Variants in IP6K3 observed in about 807,000 individuals in gnomAD.
IP6K3 encodes inositol hexakisphosphate kinase 3, also known as ATP:1D-myo-inositol-hexakisphosphate phosphotransferase.
In IP6K3, 20 loss-of-function variants were observed where a neutral mutation model predicts 28.8. The ratio of observed to expected loss-of-function variants is 0.70; its 90% CI spans 0.49 to 1.01. IP6K3 has a LOEUF of 1.01. Among genes scored for constraint, IP6K3 ranks in the 50% least tolerant of loss-of-function variants. The pLI is 0.00. For missense variants in IP6K3, 480 were observed against 537.1 expected (o/e 0.89, Z 1.05); for synonymous variants, 213 against 221.3 (o/e 0.96, Z 0.33).
intron 4 of IP6K3, 111 bp downstream of exon 4, chr6:33,726,620 A>G (rs1190925292): frequency 4.6e-6 from 5 of 1,089,752 alleles, no homozygotes; most frequent in East Asian, 2.6e-5. Context: ...TCTCCCTGCT[A>G]CCCTCCATTG....
chr6:33,749,645 T>C (rs1280786749), upstream of IP6K3, among the ~76,000 whole-genome samples: 1 of 151,148 alleles, frequency 6.6e-6, no homozygotes, highest in Admixed American at 6.6e-5. Context: ...TGTGTGTGTG[T>C]GTGCGCGCGG....
chr6:33,755,851 T>A, the IP6K3 span, among the ~76,000 whole-genome samples: 2 of 152,226 alleles, frequency 1.3e-5, no homozygotes, highest in Non-Finnish European at 2.9e-5. Flanking sequence ...AAATTTTTTT[T>A]ATTTTTATTA....
intron 1 of IP6K3, among the ~76,000 whole-genome samples, chr6:33,740,517 T>G (rs1263555975): frequency 1.3e-5 from 2 of 152,156 alleles, no homozygotes; most frequent in Non-Finnish European, 2.9e-5. Context: ...TGCTAGCCTG[T>G]GAGACACTCC....
At chr6:33,751,351 G>A (rs1328139367), upstream of IP6K3, among the ~76,000 whole-genome samples, 2 of 152,270 alleles carry the variant, frequency 1.3e-5, no homozygotes, top group African/African-American at 4.8e-5. This position sits in a 1 kb window ranked among gnomAD's most constrained non-coding sequence, Gnocchi z 4.3. Context: ...GAATGTGGGA[G>A]GATGAGCTGT....
At chr6:33,723,733 G>T (rs1392730229) in intron 5 of IP6K3, among the ~76,000 whole-genome samples, 1 of 152,240 alleles carries the variant, frequency 6.6e-6, no homozygotes, top group African/African-American at 2.4e-5. Context: ...AGACAGGCTA[G>T]GTCAGGTGTG....
At chr6:33,747,640 G>GCAGAGGCC (rs16871395), upstream of IP6K3, among the ~76,000 whole-genome samples, 45 of 121,946 alleles carry the variant, frequency 3.7e-4, no homozygotes, top group East Asian at 5.9e-3. This position sits in a 1 kb window ranked among gnomAD's most constrained non-coding sequence, Gnocchi z 5.2. Flanking sequence ...GAGAGGCTGT[G>GCAGAGGCC]CAGAGGCCCA....
intron 2 of IP6K3, among the ~76,000 whole-genome samples, chr6:33,733,692 C>T (rs371229743): frequency 7.0e-4 from 106 of 152,352 alleles, no homozygotes; most frequent in African/African-American, 2.3e-3. Context: ...GCCTGCGGGC[C>T]GGGAAGACCC....
intron 1 of IP6K3, among the ~76,000 whole-genome samples, chr6:33,736,566 G>A (rs763447707): frequency 8.5e-5 from 13 of 152,182 alleles, no homozygotes; most frequent in South Asian, 6.2e-4. Flanking sequence ...CACCACATCC[G>A]GCTAATTTTT....
chr6:33,751,754 C>G (rs1343309948), upstream of IP6K3, among the ~76,000 whole-genome samples: 2 of 152,180 alleles, frequency 1.3e-5, no homozygotes, highest in Non-Finnish European at 2.9e-5. This position sits in a 1 kb window ranked among gnomAD's most constrained non-coding sequence, Gnocchi z 4.3. Context: ...ACTCCTAACA[C>G]GGATTCATTT....
intron 2 of IP6K3, among the ~76,000 whole-genome samples, chr6:33,729,276 G>A (rs1766234525): frequency 2.0e-5 from 3 of 152,250 alleles, no homozygotes; most frequent in African/African-American, 4.8e-5. Context: ...CAGAGTCTTG[G>A]TAGTAGCACA....
chr6:33,721,736 A>G lies in IP6K3; in HGVS notation c.*984T>C, dbSNP rs1005068107. 6.6e-6 allele frequency: 1 copy of G among 152,628 alleles called. No individual in the cohort carries two copies. The highest frequency in any genetic ancestry group is 6.5e-5 in the Admixed American group (1 of 15,284). 9.5% of individuals were successfully genotyped at this position (152,628 alleles called of 1,614,324 possible). On this transcript the variant is annotated 3_prime_UTR_variant, in exon 6 of 6. Transcript: ENST00000293756. ...GTAACGTATCTCAGTGCTTGACTCA[A>G]GGGCATCGTAATAGGTTTCCATACT...
chr6:33,755,570 T>C, the IP6K3 span, among the ~76,000 whole-genome samples: 1 of 152,278 alleles, frequency 6.6e-6, no homozygotes, highest in Non-Finnish European at 1.5e-5. Flanking sequence ...AATCCCGTGC[T>C]ACTCACATTT....
Position 33,722,740 on chromosome 6 carries a change from C to G in IP6K3, c.1213G>C (p.Asp405His), listed in dbSNP as rs774691224. 6.2e-7 allele frequency: 1 copy of G among 1,609,190 alleles called. No individual in the cohort carries two copies. Among genetic ancestry groups the G allele is most frequent in the South Asian group, 1.1e-5 (1 of 90,552 alleles). ...AAGTTTCATTCTCCCTCTTGGATAT[C>G]CTGCAGGATCCTGATGAGGTTTTCC... ...GLENLIRILQ[D>H]IQEGE The change falls in exon 6 of 6, where the codon GAT becomes CAT. Residue 405 changes from aspartate to histidine, a missense_variant. By Grantham distance (81) the Asp-to-His change is moderately conservative. Transcript: ENST00000293756.
rs1766495600 is a variant in IP6K3, at chr6:33,735,575, G to T, written c.-99C>A. 3 of 1,518,172 alleles carry T rather than the reference G, an allele frequency of 2.0e-6. No individual in the cohort carries two copies. The highest frequency in any genetic ancestry group is 2.6e-6 in the Non-Finnish European group (3 of 1,140,440). The allele number at this position is 1,518,172 out of a possible 1,614,324, so 94.0% of individuals were successfully genotyped here. On this transcript the variant is annotated 5_prime_UTR_variant, in exon 2 of 6. Transcript: ENST00000293756. ...CCAACAGCACACGGGGCTGTCAGCG[G>T]TCCTCAACTTTCTCCTTCTTGGCCT... is the stretch of plus-strand genomic sequence containing the variant.
rs1368625489 is a variant in IP6K3, at chr6:33,744,411, G to A, written c.-180+2347C>T. Among the ~76,000 whole-genome samples the A allele has an allele frequency of 2.0e-5, 3 of 152,208 alleles. No individual in the cohort carries two copies. Among genetic ancestry groups the A allele is most frequent in the African/African-American group, 7.2e-5 (3 of 41,440 alleles). ...CCAGCGGTTAGCATGGCAGTTTTAT[G>A]GTTGCAAGATGGAACAGCTCTTTAA... On this transcript the variant is annotated intron_variant, in intron 1 of 5. Coordinates refer to ENST00000293756, the MANE Select transcript of IP6K3 (RefSeq NM_054111.5). This position sits in a 1 kb window ranked among gnomAD's most constrained non-coding sequence, Gnocchi z 4.4.
the IP6K3 span, among the ~76,000 whole-genome samples, chr6:33,761,906 T>C: frequency 6.6e-6 from 1 of 152,030 alleles, no homozygotes; most frequent in Non-Finnish European, 1.5e-5. Context: ...GGCTCAGTGC[T>C]GGGGATGGGG....
Position 33,735,543 on chromosome 6 carries a change from G to C in IP6K3, c.-67C>G. The C allele has an allele frequency of 6.4e-7, 1 of 1,569,716 alleles. No individual in the cohort carries two copies. Among genetic ancestry groups the C allele is most frequent in the Non-Finnish European group, 8.6e-7 (1 of 1,163,756 alleles). ...TAGAGGAAGGTTTGAAGTAGAAAGG[G>C]CAGCTCCCAACAGCACACGGGGCTG... is the stretch of plus-strand genomic sequence containing the variant. On this transcript the variant is annotated 5_prime_UTR_variant, in exon 2 of 6. Transcript: ENST00000293756.
the IP6K3 span, among the ~76,000 whole-genome samples, chr6:33,760,049 A>G: frequency 6.6e-6 from 1 of 152,344 alleles, no homozygotes; most frequent in East Asian, 1.9e-4. Context: ...AGCCTGCGGG[A>G]GGTCAGAGAC....
At position 33,744,842 on chromosome 6, in the gene IP6K3, C is replaced by T. The variant is rs559961096; in HGVS notation, c.-180+1916G>A. ...TATAACATCTCTTGCCCTCCCCTCC[C>T]ACTGCTTAACCAGGGTCAGGGGCTG... On this transcript the variant is annotated intron_variant, in intron 1 of 5. Coordinates refer to ENST00000293756, the MANE Select transcript of IP6K3 (RefSeq NM_054111.5). This position sits in a 1 kb window ranked among gnomAD's most constrained non-coding sequence, Gnocchi z 4.4. 6.6e-6 allele frequency among the ~76,000 whole-genome samples: 1 copy of T among 152,346 alleles called. No homozygotes were observed. Among genetic ancestry groups the T allele is most frequent in the South Asian group, 2.1e-4 (1 of 4,830 alleles).
Sources: gnomAD v4.1 joint callset for allele counts (sites outside exome capture counted in the v4.1 genomes callset) on GRCh38, gnomAD v4.1.1 for gene constraint, Gnocchi (gnomAD v3.1) non-coding constraint, MANE v1.5 for transcripts, NCBI Gene and HGNC (gene_info 2026-07-23, HGNC 2026-07-21) for gene names.